PRKAB1: variants seen among roughly 807,000 people sequenced by gnomAD.
PRKAB1 encodes protein kinase AMP-activated non-catalytic subunit beta 1, also known as 5'-AMP-activated protein kinase subunit beta-1.
PRKAB1 carries 18 observed loss-of-function variants against 32.0 expected under a neutral mutation model. The observed-to-expected ratio is 0.56, with a 90% CI of 0.39 to 0.83. PRKAB1 has a LOEUF of 0.83. Among genes scored for constraint, PRKAB1 ranks in the 40% least tolerant of loss-of-function variants. The probability of loss-of-function intolerance (pLI) is 0.00; values close to 1 mark genes in which losing one functional copy is unlikely to be tolerated. For synonymous variants in PRKAB1, 141 were observed against 141.4 expected (o/e 1.00, Z 0.02); for missense variants, 263 against 352.6 (o/e 0.75, Z 2.03).
chr12:119,681,225 T>C lies in PRKAB1; in HGVS notation c.*900T>C, dbSNP rs966934217. On this transcript the variant is annotated 3_prime_UTR_variant, in exon 7 of 7. Coordinates refer to ENST00000229328, the MANE Select transcript of PRKAB1 (RefSeq NM_006253.5). The stretch of plus-strand genomic sequence containing the variant: ...CCTATAAAATCACACAGCGTGATTT[T>C]ACAAGGTCCCGTGGCACCTTGCTCA... The C allele has an allele frequency of 6.6e-6, 1 of 152,246 alleles. No individual in the cohort carries two copies. Among genetic ancestry groups the C allele is most frequent in the African/African-American group, 2.4e-5 (1 of 41,460 alleles). 9.4% of individuals were successfully genotyped at this position (152,246 alleles called of 1,614,324 possible).
intron 5 of PRKAB1, chr12:119,678,933 A>G (rs1955446077): frequency 6.6e-6 from 1 of 152,114 alleles, no homozygotes. Flanking sequence ...CCTTCATGCC[A>G]TTTTCCATAA....
rs915438345 is a variant in PRKAB1 at position 119,680,685 on chromosome 12, T to C, written c.*360T>C. On this transcript the variant is annotated 3_prime_UTR_variant, in exon 7 of 7. Coordinates refer to ENST00000229328, the MANE Select transcript of PRKAB1 (RefSeq NM_006253.5). ...AAGCCAAAAATGAATGCTAACTCCT[T>C]TGCCAGTAAAATTCTGGGAAACAGG... The C allele has an allele frequency of 8.3e-5, 18 of 217,824 alleles. 1 individual carries two copies. The South Asian group carries it at 1.7e-3, about 20-fold the overall frequency. The allele number at this position is 217,824 out of a possible 1,614,324, so 13.5% of individuals were successfully genotyped here.
chr12:119,675,662 T>C (rs940796053), intron 4 of PRKAB1, among the ~76,000 whole-genome samples: 2 of 152,248 alleles, frequency 1.3e-5, no homozygotes, highest in Admixed American at 6.5e-5. Context: ...CAAAATGTTA[T>C]TTACTCCTTA....
At chr12:119,673,131 G>C (rs1182939445) in intron 2 of PRKAB1, among the ~76,000 whole-genome samples, 3 of 152,190 alleles carry the variant, frequency 2.0e-5, no homozygotes, top group Non-Finnish European at 4.4e-5. Flanking sequence ...TCGGGAGGCT[G>C]AGATGGGAGG....
intron 5 of PRKAB1, chr12:119,678,721 T>C (rs1955444546): frequency 2.0e-5 from 3 of 152,260 alleles, no homozygotes; most frequent in African/African-American, 7.2e-5. Context: ...CAGCACTGCA[T>C]TGTGTATCAG....
At chr12:119,678,320 A>G (rs537991945) in intron 5 of PRKAB1, 2 of 152,340 alleles carry the variant, frequency 1.3e-5, no homozygotes, top group African/African-American at 4.8e-5. Context: ...CACAACAACC[A>G]TGTGAAGTAG....
In PRKAB1 at chr12:119,678,915, T is replaced by G. The variant is rs551426114; in HGVS notation, c.667-1018T>G. 2.6e-5 allele frequency: 4 copies of G among 152,338 alleles called. No homozygotes were observed. In the South Asian group the frequency reaches 8.3e-4, roughly 32 times the overall value. 9.4% of individuals were successfully genotyped at this position (152,338 alleles called of 1,614,324 possible). ...CATGTGGTAATTTTAGTTATAACTT[T>G]TTAGGAACCTTCATGCCATTTTCCA... On this transcript the variant is annotated intron_variant, in intron 5 of 6. Coordinates refer to ENST00000229328, the MANE Select transcript of PRKAB1 (RefSeq NM_006253.5).
Position 119,674,161 on chromosome 12 carries a change from C to A in PRKAB1, c.417+104C>A, listed in dbSNP as rs1295224217. ...GTCCCTTTGCCCAGCTAGTAAAAGT[C>A]CCCGTGTGTGGCAGAGCTGAGTAGC... On this transcript the variant is annotated intron_variant, in intron 3 of 6. Coordinates refer to ENST00000229328, the MANE Select transcript of PRKAB1 (RefSeq NM_006253.5). The surrounding 1 kb of genome is among the most constrained non-coding windows in gnomAD (Gnocchi z 4.3). 49 of 1,183,600 alleles carry A rather than the reference C, an allele frequency of 4.1e-5. No homozygotes were observed. The highest frequency in any genetic ancestry group is 6.1e-5 in the African/African-American group (4 of 65,840). 73.3% of individuals were successfully genotyped at this position (1,183,600 alleles called of 1,614,324 possible). A position where few individuals can be genotyped will look rare whatever the true frequency, so the allele number is the denominator to read the frequency against.
Position 119,679,552 on chromosome 12 carries a change from G to C in PRKAB1, c.667-381G>C. 4.1e-6 allele frequency: 1 copy of C among 243,272 alleles called. No homozygotes were observed. The highest frequency in any genetic ancestry group is 5.1e-5 in the South Asian group (1 of 19,518). 15.1% of individuals were successfully genotyped at this position (243,272 alleles called of 1,614,324 possible). On this transcript the variant is annotated intron_variant, in intron 5 of 6. Coordinates refer to ENST00000229328, the MANE Select transcript of PRKAB1 (RefSeq NM_006253.5). The surrounding 1 kb of genome is among the most constrained non-coding windows in gnomAD (Gnocchi z 4.1). ...ATTGAGTCTTACAGATACAAGTTTT[G>C]AATCCATTGCTCAGGAGCGTTTAGT...
intron 1 of PRKAB1, among the ~76,000 whole-genome samples, chr12:119,670,903 A>T (rs1955383394): frequency 6.6e-6 from 1 of 152,238 alleles, no homozygotes; most frequent in Non-Finnish European, 1.5e-5. Context: ...TCGGTATTTG[A>T]GATGAAGGTG....
intron 1 of PRKAB1, among the ~76,000 whole-genome samples, chr12:119,670,142 C>G (rs73412143): frequency 0.011 from 1,677 of 152,288 alleles, 31 homozygotes; most frequent in African/African-American, 0.038. Context: ...TATTTCCAGC[C>G]GCAGGGCTCA....
At chr12:119,670,408 T>C (rs1955378746) in intron 1 of PRKAB1, among the ~76,000 whole-genome samples, 1 of 152,220 alleles carries the variant, frequency 6.6e-6, no homozygotes, top group East Asian at 1.9e-4. Context: ...TGAGCCTGAC[T>C]ACAAAGAGGC....
intron 1 of PRKAB1, 199 bp from the exon 2 acceptor site, chr12:119,672,102 A>G (rs1955392414): frequency 2.1e-6 from 1 of 466,370 alleles, no homozygotes; most frequent in African/African-American, 2.0e-5. Flanking sequence ...TAGAGCACTT[A>G]CATGGACTGT....
chr12:119,679,751 G>A lies in PRKAB1; in HGVS notation c.667-182G>A. The A allele has an allele frequency of 1.6e-6, 1 of 632,394 alleles. No homozygotes were observed. Among genetic ancestry groups the A allele is most frequent in the Non-Finnish European group, 2.9e-6 (1 of 349,260 alleles). 39.2% of individuals were successfully genotyped at this position (632,394 alleles called of 1,614,324 possible). On this transcript the variant is annotated intron_variant, in intron 5 of 6. Transcript: ENST00000229328. This position sits in a 1 kb window ranked among gnomAD's most constrained non-coding sequence, Gnocchi z 4.1. ...CAGGCATGCAGGGAGCTCCCTTCAG[G>A]TCAGAAGGCGTGACCTTCATCTCAC...
chr12:119,668,083 C>A, upstream of PRKAB1: 2 of 908,628 alleles, frequency 2.2e-6, no homozygotes, highest in Non-Finnish European at 3.1e-6. Context: ...ACCCTGCCGA[C>A]TCAGCCGGAA....
chr12:119,673,354 G>A (rs1955400818), intron 2 of PRKAB1, among the ~76,000 whole-genome samples: 2 of 152,232 alleles, frequency 1.3e-5, no homozygotes, highest in African/African-American at 4.8e-5. Flanking sequence ...CCTTTAGTGA[G>A]TATTCTTGAT....
rs759992306 is a variant in PRKAB1 at position 119,672,454 on chromosome 12, C to T, written c.313C>T (p.Leu105Phe). ...CTTCAACAACTGGAGTAAACTTCCC[C>T]TCACCAGAAGGTAATTGCCTGGGGA... ...GSFNNWSKLP[L>F]TRSHNNFVAI... Residue 105 changes from leucine to phenylalanine, a missense_variant, in exon 2 of 7, where the codon CTC becomes TTC. Coordinates refer to ENST00000229328, the MANE Select transcript of PRKAB1 (RefSeq NM_006253.5). 12 of 1,583,302 alleles carry T rather than the reference C, an allele frequency of 7.6e-6. No individual in the cohort carries two copies. In the South Asian group the frequency reaches 1.4e-4, roughly 18 times the overall value.
intron 2 of PRKAB1, among the ~76,000 whole-genome samples, chr12:119,673,560 C>T (rs1174468270): frequency 1.3e-5 from 2 of 152,190 alleles, no homozygotes; most frequent in African/African-American, 2.4e-5. Flanking sequence ...AACATTTGAG[C>T]TTCCTATTCA....
intron 1 of PRKAB1, chr12:119,669,849 A>C (rs1162678696): frequency 6.6e-6 from 1 of 152,208 alleles, no homozygotes; most frequent in African/African-American, 2.4e-5. Context: ...TGCTGCGATT[A>C]CAGGCATGAG....
Sources: allele counts gnomAD v4.1 joint callset (sites outside exome capture counted in the v4.1 genomes callset), GRCh38; gene constraint gnomAD v4.1.1; non-coding constraint Gnocchi (gnomAD v3.1); transcripts MANE v1.5; gene names NCBI Gene and HGNC (gene_info 2026-07-23, HGNC 2026-07-21).